Variants in PCDHGA11 observed in about 807,000 individuals in gnomAD.
PCDHGA11 encodes the protein protocadherin gamma subfamily A, 11.
In PCDHGA11, 39 loss-of-function variants were observed where a neutral mutation model predicts 60.4. The observed-to-expected ratio is 0.65, with a 90% CI of 0.50 to 0.84. The LOEUF (loss-of-function observed/expected upper bound fraction) is 0.84, where lower values mean the gene tolerates loss of function less well. Ranked by LOEUF, PCDHGA11 falls within the 40% of genes least tolerant of loss-of-function variation. The pLI, the probability that PCDHGA11 is intolerant of heterozygous loss-of-function variation, is 0.00. For missense variants in PCDHGA11, 1,165 were observed against 1,197.7 expected, an observed-to-expected ratio of 0.97 and a Z score of 0.40; for synonymous variants, 533 against 510.3, an observed-to-expected ratio of 1.04 and a Z score of -0.60.
chr5:141,501,288 T>TACAC (rs1562199973), intron 2 of PCDHGA11, among the ~76,000 whole-genome samples: 2 of 81,228 alleles, frequency 2.5e-5, no homozygotes, highest in Admixed American at 1.6e-4. Flanking sequence ...GATATTCCCT[T>TACAC]ATACACACAC....
At chr5:141,428,255 G>C in intron 1 of PCDHGA11, 1 of 875,580 alleles carries the variant, frequency 1.1e-6, no homozygotes, top group Non-Finnish European at 1.8e-6. Flanking sequence ...CCAGACTTCA[G>C]TGACAGTCCT....
chr5:141,480,273 G>A (rs2099516030), intron 1 of PCDHGA11, among the ~76,000 whole-genome samples: 1 of 151,956 alleles, frequency 6.6e-6, no homozygotes, highest in Non-Finnish European at 1.5e-5. Flanking sequence ...TCATTAGCTG[G>A]GTGTGTTGGC....
Position 141,423,964 on chromosome 5 carries a change from A to G in PCDHGA11, c.2433+304A>G, listed in dbSNP as rs569611136. On this transcript the variant is annotated intron_variant, in intron 1 of 3. Coordinates refer to ENST00000398587, the MANE Select transcript of PCDHGA11 (RefSeq NM_018914.3). ...AGTTGAATTTTAGTATTATTTTTCT[A>G]TTATCAGTGTATGAGGCTCTCAATT... The G allele has an allele frequency of 5.2e-5, 61 of 1,163,648 alleles. 2 individuals carry two copies. In the South Asian group the frequency reaches 1.7e-3, roughly 32 times the overall value. 72.1% of individuals were successfully genotyped at this position (1,163,648 alleles called of 1,614,324 possible).
At position 141,486,538 on chromosome 5, in the gene PCDHGA11, C is replaced by A; in HGVS notation, c.2434-8269C>A. 1 of 1,614,150 alleles carries A rather than the reference C, an allele frequency of 6.2e-7. No individual in the cohort carries two copies. Among genetic ancestry groups the A allele is most frequent in the Non-Finnish European group, 8.5e-7 (1 of 1,180,038 alleles). ...ATGTGAATGATAATCCACCCTCTTTCTTTCAGAGGTCACATGAGGTGTTTG... is the reference window on the plus strand; with the variant it reads ...ATGTGAATGATAATCCACCCTCTTTATTTCAGAGGTCACATGAGGTGTTTG... On this transcript the variant is annotated intron_variant, in intron 1 of 3. Coordinates refer to ENST00000398587, the MANE Select transcript of PCDHGA11 (RefSeq NM_018914.3). This position sits in a 1 kb window ranked among gnomAD's most constrained non-coding sequence, Gnocchi z 5.0.
At chr5:141,430,935 T>G (rs748546768) in intron 1 of PCDHGA11, 1 of 1,607,814 alleles carries the variant, frequency 6.2e-7, no homozygotes. Context: ...CCCCGGGAGC[T>G]CGCGGAGCGC....
At chr5:141,495,492 G>C (rs1321150765) in intron 2 of PCDHGA11, among the ~76,000 whole-genome samples, 1 of 152,148 alleles carries the variant, frequency 6.6e-6, no homozygotes, top group Non-Finnish European at 1.5e-5. Flanking sequence ...CCTTTTTCTT[G>C]AGTTTCCGTC....
rs1394484191 is a variant in PCDHGA11 at position 141,486,006 on chromosome 5, C to T, written c.2434-8801C>T. The T allele has an allele frequency of 6.2e-7, 1 of 1,614,190 alleles. No individual in the cohort carries two copies. Among genetic ancestry groups the T allele is most frequent in the Non-Finnish European group, 8.5e-7 (1 of 1,180,026 alleles). Reference sequence around the variant, plus strand: ...GACCTGGGTCCCAGTGGTAACGTCACCTTTTATTTCAGTGGTCATACCCCT... The same window carrying T: ...GACCTGGGTCCCAGTGGTAACGTCATCTTTTATTTCAGTGGTCATACCCCT... On this transcript the variant is annotated intron_variant, in intron 1 of 3. Coordinates refer to ENST00000398587, the MANE Select transcript of PCDHGA11 (RefSeq NM_018914.3). This position sits in a 1 kb window ranked among gnomAD's most constrained non-coding sequence, Gnocchi z 5.0.
chr5:141,495,870 CCT>C (rs1183994771), intron 2 of PCDHGA11, among the ~76,000 whole-genome samples: 2 of 152,100 alleles, frequency 1.3e-5, no homozygotes. Flanking sequence ...TTTCTGCTTT[CCT>C]CTCTGTTCTT....
At position 141,493,444 on chromosome 5, in the gene PCDHGA11, G is replaced by T. The variant is rs2099748313; in HGVS notation, c.2434-1363G>T. On this transcript the variant is annotated intron_variant, in intron 1 of 3. Transcript: ENST00000398587. This position sits in a 1 kb window ranked among gnomAD's most constrained non-coding sequence, Gnocchi z 4.3. ...GCTTCTGCTGGGATGGGGCAAGGGT[G>T]GGGTTCCTTCCCTTTTAGGACCTTA... Among the ~76,000 whole-genome samples, 1 of 152,174 alleles carries T rather than the reference G, an allele frequency of 6.6e-6. No homozygotes were observed. Among genetic ancestry groups the T allele is most frequent in the South Asian group, 2.1e-4 (1 of 4,826 alleles).
In PCDHGA11 at chr5:141,490,267, G is replaced by A. The variant is rs765238578; in HGVS notation, c.2434-4540G>A. ...TGTGATTCAAGTGGATGTGGGGGAT[G>A]TCAATGACAATGCCCCAGAGGTGCT... On this transcript the variant is annotated intron_variant, in intron 1 of 3. Transcript: ENST00000398587. The surrounding 1 kb of genome is among the most constrained non-coding windows in gnomAD (Gnocchi z 5.4). The A allele has an allele frequency of 6.2e-7, 1 of 1,614,242 alleles. No homozygotes were observed. The highest frequency in any genetic ancestry group is 1.1e-5 in the South Asian group (1 of 91,084).
rs2099750571 is a variant in PCDHGA11, at chr5:141,493,878, T to A, written c.2434-929T>A. On this transcript the variant is annotated intron_variant, in intron 1 of 3. Coordinates refer to ENST00000398587, the MANE Select transcript of PCDHGA11 (RefSeq NM_018914.3). This position sits in a 1 kb window ranked among gnomAD's most constrained non-coding sequence, Gnocchi z 4.3. ...GCCCACCCCAGAACCAGTGAGGAGG[T>A]GGCTCTAGGAGTGCTCCATGAGAGT... is the stretch of plus-strand genomic sequence containing the variant. 6.6e-6 allele frequency among the ~76,000 whole-genome samples: 1 copy of A among 152,072 alleles called. No homozygotes were observed. The highest frequency in any genetic ancestry group is 6.6e-5 in the Admixed American group (1 of 15,264).
In PCDHGA11 at chr5:141,499,676, C is replaced by G. The variant is rs534287777; in HGVS notation, c.2492+4811C>G. On this transcript the variant is annotated intron_variant, in intron 2 of 3. Coordinates refer to ENST00000398587, the MANE Select transcript of PCDHGA11 (RefSeq NM_018914.3). Reference sequence around the variant, plus strand: ...ATAATTTCATCTTGGTCTCCACCATCTTTAACAGATGACTTTTTTTTTTTT... The same window carrying G: ...ATAATTTCATCTTGGTCTCCACCATGTTTAACAGATGACTTTTTTTTTTTT... Among the ~76,000 whole-genome samples, 13 of 144,474 alleles carry G rather than the reference C, an allele frequency of 9.0e-5. No homozygotes were observed. In the South Asian group the frequency reaches 2.9e-3, roughly 33 times the overall value. The allele number at this position is 144,474 out of a possible 152,430, so 94.8% of individuals were successfully genotyped here.
At chr5:141,458,308 A>G (rs1363472724) in intron 1 of PCDHGA11, among the ~76,000 whole-genome samples, 1 of 152,196 alleles carries the variant, frequency 6.6e-6, no homozygotes, top group Non-Finnish European at 1.5e-5. Context: ...AGATAAAATG[A>G]CACAGACACA....
intron 1 of PCDHGA11, among the ~76,000 whole-genome samples, chr5:141,443,679 A>G (rs1158105871): frequency 6.6e-6 from 1 of 152,268 alleles, no homozygotes; most frequent in African/African-American, 2.4e-5. Flanking sequence ...AGTAGTTTAC[A>G]AACACTTCAA....
intron 1 of PCDHGA11, among the ~76,000 whole-genome samples, chr5:141,458,336 GA>G (rs762646440): frequency 1.3e-5 from 2 of 152,118 alleles, no homozygotes; most frequent in Non-Finnish European, 2.9e-5. Context: ...TGGTTTTAAG[GA>G]GTGGAGAGTT....
Position 141,432,923 on chromosome 5 carries a change from T to C in PCDHGA11, c.2433+9263T>C. ...GCTCAGGCTGCGGCGCTGGCACAAG[T>C]CACGCCTGCTGCAGGCTTCAGGAGG... On this transcript the variant is annotated intron_variant, in intron 1 of 3. Coordinates refer to ENST00000398587, the MANE Select transcript of PCDHGA11 (RefSeq NM_018914.3). This position sits in a 1 kb window ranked among gnomAD's most constrained non-coding sequence, Gnocchi z 6.0. The C allele has an allele frequency of 6.2e-7, 1 of 1,614,186 alleles. No homozygotes were observed. Among genetic ancestry groups the C allele is most frequent in the Non-Finnish European group, 8.5e-7 (1 of 1,180,034 alleles).
intron 1 of PCDHGA11, among the ~76,000 whole-genome samples, chr5:141,443,722 C>G (rs2098401001): frequency 6.6e-6 from 1 of 152,012 alleles, no homozygotes; most frequent in Admixed American, 6.6e-5. Context: ...TATAAAATTC[C>G]TCATACATTT....
intron 1 of PCDHGA11, among the ~76,000 whole-genome samples, chr5:141,449,848 T>C (rs7713034): frequency 0.29 from 44,283 of 151,474 alleles, 7,514 homozygotes; most frequent in African/African-American, 0.48. Flanking sequence ...AATTAAATTT[T>C]AATAATAAAA....
At chr5:141,435,430 T>C (rs576681937) in intron 1 of PCDHGA11, among the ~76,000 whole-genome samples, 115 of 152,334 alleles carry the variant, frequency 7.5e-4, no homozygotes, top group African/African-American at 2.6e-3. Flanking sequence ...ACTTCTGTTA[T>C]GCATTTCATT....
Sources: gnomAD v4.1 joint callset for allele counts (sites outside exome capture counted in the v4.1 genomes callset) on GRCh38, gnomAD v4.1.1 for gene constraint, Gnocchi (gnomAD v3.1) non-coding constraint, MANE v1.5 for transcripts, NCBI Gene and HGNC (gene_info 2026-07-23, HGNC 2026-07-21) for gene names.